Variants in INO80 observed in about 807,000 individuals in gnomAD.
INO80 encodes chromatin-remodeling ATPase INO80.
Under a neutral mutation model 203.4 loss-of-function variants are expected in INO80, and 20 were observed. That is an observed-to-expected ratio of 0.10 (90% CI 0.07 to 0.14). The LOEUF is 0.14. INO80 is among the 10% of genes least tolerant of loss of function. INO80 has a pLI of 1.00. For missense variants in INO80, 1,419 were observed against 1,914.4 expected, an observed-to-expected ratio of 0.74 and a Z score of 4.83; for synonymous variants, 726 against 685.2, an observed-to-expected ratio of 1.06 and a Z score of -0.93.
At chr15:41,066,350 A>G in intron 14 of INO80, among the ~76,000 whole-genome samples, 1 of 151,854 alleles carries the variant, frequency 6.6e-6, no homozygotes. Context: ...TTGTAGAGAC[A>G]AGGTCTACGT....
In INO80 at chr15:41,020,936, T is replaced by C; in HGVS notation, c.3238A>G (p.Arg1080Gly). ...PEPAGGLWSIRPQNGWSFIRI... is the reference protein window; with the variant it reads ...PEPAGGLWSIGPQNGWSFIRI... ...ATGAAAGACCAGCCATTCTGAGGTC[T>C]GATGCTCCACAGACCTCCAGCTGGC... Residue 1080 changes from arginine (R) to glycine (G), a missense_variant, in exon 26 of 36, where the codon AGA becomes GGA. Arg to Gly is a moderately radical substitution (Grantham distance 125, BLOSUM62 -2). This residue lies in a region of INO80 where 302 missense variants were observed against 345.4 expected (regional missense o/e 0.87). Transcript: ENST00000648947. 1 of 1,614,000 alleles carries C rather than the reference T, an allele frequency of 6.2e-7. No homozygotes were observed. Among genetic ancestry groups the C allele is most frequent in the South Asian group, 1.1e-5 (1 of 91,064 alleles).
intron 16 of INO80, 138 bp from the exon 17 acceptor site, chr15:41,056,844 A>G: frequency 1.5e-6 from 1 of 653,540 alleles, no homozygotes; most frequent in Admixed American, 2.7e-5. Flanking sequence ...TATTCAACTG[A>G]AAAACATTAT....
At chr15:41,049,579 T>C (rs570819742) in intron 20 of INO80, among the ~76,000 whole-genome samples, 159 bp from the exon 21 acceptor site, 1 of 152,260 alleles carries the variant, frequency 6.6e-6, no homozygotes, top group East Asian at 1.9e-4. Context: ...GGATAGACTG[T>C]TTTTCTTGAA....
chr15:41,096,352 G>T lies in INO80; in HGVS notation c.-42C>A, dbSNP rs199747651. The stretch of plus-strand genomic sequence containing the variant: ...CATGCACAAGGACCTCCGACTGCAC[G>T]GCTGCAGAACAGAGATAAGAAGTGA... On this transcript the variant is annotated splice_region_variant and 5_prime_UTR_variant, in exon 2 of 36. Coordinates refer to ENST00000648947, the MANE Select transcript of INO80 (RefSeq NM_017553.3). 1 of 1,524,390 alleles carries T rather than the reference G, an allele frequency of 6.6e-7. No individual in the cohort carries two copies. Among genetic ancestry groups the T allele is most frequent in the African/African-American group, 1.4e-5 (1 of 70,358 alleles). 94.4% of individuals were successfully genotyped at this position (1,524,390 alleles called of 1,614,324 possible). A position where few individuals can be genotyped will look rare whatever the true frequency, so the allele number is the denominator to read the frequency against.
intron 1 of INO80, among the ~76,000 whole-genome samples, chr15:41,113,213 C>T (rs891765045): frequency 6.6e-6 from 1 of 151,996 alleles, no homozygotes; most frequent in African/African-American, 2.4e-5. Flanking sequence ...CCAAGCCTAA[C>T]CTATTTAATG....
chr15:40,987,871 A>G lies in INO80; in HGVS notation c.3674T>C (p.Ile1225Thr). 6.2e-7 allele frequency: 1 copy of G among 1,614,150 alleles called. No individual in the cohort carries two copies. Among genetic ancestry groups the G allele is most frequent in the South Asian group, 1.1e-5 (1 of 91,084 alleles). ...QTKQVTVYRLICKGTIEERIL... is the reference protein window; with the variant it reads ...QTKQVTVYRLTCKGTIEERIL... ...GCGTTCTTCAATGGTGCCTTTACAG[A>G]TGAGCCGGTACACAGTAACCTGCTT... Residue 1225 changes from isoleucine (I) to threonine (T), a missense_variant, in exon 30 of 36, where the codon ATC becomes ACC. Ile to Thr is a moderately conservative substitution (Grantham distance 89). Coordinates refer to ENST00000648947, the MANE Select transcript of INO80 (RefSeq NM_017553.3).
intron 28 of INO80, 51 bp from the exon 29 acceptor site, chr15:40,997,652 G>T: frequency 8.3e-7 from 1 of 1,209,168 alleles, no homozygotes. Flanking sequence ...AGAAAAAATG[G>T]CATGTATCAA....
At chr15:40,986,875 T>C (rs1177964269) in intron 31 of INO80, among the ~76,000 whole-genome samples, 3 of 152,214 alleles carry the variant, frequency 2.0e-5, no homozygotes, top group Non-Finnish European at 4.4e-5. Flanking sequence ...TCAGGTGATC[T>C]GCCCACTTTG....
intron 27 of INO80, among the ~76,000 whole-genome samples, chr15:41,005,959 TAAAAAA>T (rs55706828): frequency 9.9e-5 from 13 of 131,426 alleles, no homozygotes; most frequent in African/African-American, 3.4e-4. Flanking sequence ...TAGGTTTCAT[TAAAAAA>T]AAAAAAAAAA....
At chr15:40,992,780 A>G (rs2043832690) in intron 29 of INO80, among the ~76,000 whole-genome samples, 1 of 151,404 alleles carries the variant, frequency 6.6e-6, no homozygotes, top group Admixed American at 6.6e-5. Flanking sequence ...TTCAGAAATC[A>G]GAGTATTCAG....
chr15:40,997,429 G>T, intron 29 of INO80, 100 bp downstream of exon 29: 2 of 786,622 alleles, frequency 2.5e-6, no homozygotes, highest in Non-Finnish European at 4.4e-6. Flanking sequence ...TGACACAAAA[G>T]CAAAGGGTAA....
rs1355495701 is a variant in INO80, at chr15:40,979,882, G to C, written c.*341C>G. The C allele has an allele frequency of 1.2e-5, 4 of 322,512 alleles. No homozygotes were observed. Among genetic ancestry groups the C allele is most frequent in the African/African-American group, 8.5e-5 (4 of 47,286 alleles). 20.0% of individuals were successfully genotyped at this position (322,512 alleles called of 1,614,324 possible). A position where few individuals can be genotyped will look rare whatever the true frequency, so the allele number is the denominator to read the frequency against. ...TTGCAAGGGACGTGTCAGAGCCGAA[G>C]AGTGGAATCGGGATGGAAACAGTAT... is the stretch of plus-strand genomic sequence containing the variant. On this transcript the variant is annotated 3_prime_UTR_variant, in exon 36 of 36. Transcript: ENST00000648947.
intron 5 of INO80, among the ~76,000 whole-genome samples, chr15:41,088,591 G>A (rs1394904949): frequency 6.6e-6 from 1 of 152,026 alleles, no homozygotes; most frequent in Non-Finnish European, 1.5e-5. Context: ...TCCAGGAAGT[G>A]GTAAGTAAAT....
At chr15:41,071,822 A>G in intron 12 of INO80, 27 bp downstream of exon 12, 1 of 1,544,696 alleles carries the variant, frequency 6.5e-7, no homozygotes, top group Middle Eastern at 1.8e-4. Flanking sequence ...AGATAATAGA[A>G]GAGAATGACA....
intron 14 of INO80, among the ~76,000 whole-genome samples, chr15:41,062,596 G>A (rs747871571): frequency 5.4e-4 from 82 of 152,122 alleles, no homozygotes; most frequent in Non-Finnish European, 4.7e-4. Flanking sequence ...CATCTCTCTC[G>A]AGGTTTATGT....
chr15:41,061,490 G>A (rs1260919521), intron 14 of INO80, among the ~76,000 whole-genome samples: 2 of 149,764 alleles, frequency 1.3e-5, no homozygotes, highest in Non-Finnish European at 3.0e-5. Flanking sequence ...AGGAGTGGTG[G>A]CACACACCTG....
intron 24 of INO80, among the ~76,000 whole-genome samples, chr15:41,039,350 A>G (rs2044633394): frequency 6.6e-6 from 1 of 152,162 alleles, no homozygotes; most frequent in Admixed American, 6.5e-5. Context: ...TTCATTATCT[A>G]CCATTACTCA....
chr15:41,052,027 T>C (rs903322536), intron 19 of INO80, among the ~76,000 whole-genome samples: 6 of 152,076 alleles, frequency 3.9e-5, no homozygotes, highest in Admixed American at 2.6e-4. Flanking sequence ...TAGTACCATC[T>C]ACTAGGGAGG....
At chr15:41,005,200 C>CAAAAAAAAAAAAAAA (rs66849866) in intron 28 of INO80, 1 of 80,062 alleles carries the variant, frequency 1.2e-5, no homozygotes, top group Non-Finnish European at 2.2e-5. Flanking sequence ...CTCACACACA[C>CAAAAAAAAAAAAAAA]AAAAAAAAAA....
Sources: gnomAD v4.1 joint callset for allele counts (sites outside exome capture counted in the v4.1 genomes callset) on GRCh38, gnomAD v4.1.1 for gene constraint, gnomAD v4.1.1 regional missense constraint, MANE v1.5 for transcripts, NCBI Gene and HGNC (gene_info 2026-07-23, HGNC 2026-07-21) for gene names.